OSBPL9: variants seen among roughly 807,000 people sequenced by gnomAD.
OSBPL9 encodes the protein oxysterol-binding protein-related protein 9.
A neutral mutation model predicts 106.6 loss-of-function variants in OSBPL9; 40 were observed. That is an observed-to-expected ratio of 0.38 (90% CI 0.29 to 0.49). The LOEUF is 0.49. Ranked by LOEUF, OSBPL9 falls within the 20% of genes least tolerant of loss-of-function variation. The probability of loss-of-function intolerance (pLI) is 0.97; values close to 1 mark genes in which losing one functional copy is unlikely to be tolerated. For synonymous variants in OSBPL9, 269 were observed against 295.4 expected, an observed-to-expected ratio of 0.91 and a Z score of 0.92; for missense variants, 609 against 887.2, an observed-to-expected ratio of 0.69 and a Z score of 3.98.
intron 12 of OSBPL9, among the ~76,000 whole-genome samples, chr1:51,771,762 A>G (rs1673951485): frequency 6.6e-6 from 1 of 152,228 alleles, no homozygotes; most frequent in African/African-American, 2.4e-5. Context: ...CGTTTCTGGA[A>G]TTGTTGCCAA....
chr1:51,569,914 T>A, the OSBPL9 span, among the ~76,000 whole-genome samples: 2 of 152,184 alleles, frequency 1.3e-5, no homozygotes, highest in Middle Eastern at 6.8e-3. Context: ...GCAAAATGAG[T>A]ATTATCTCCA....
intron 1 of OSBPL9, among the ~76,000 whole-genome samples, chr1:51,625,147 G>A (rs1042110246): frequency 6.6e-6 from 1 of 152,200 alleles, no homozygotes; most frequent in Non-Finnish European, 1.5e-5. Flanking sequence ...GGAACTGTGT[G>A]CCATCTTTGC....
intron 2 of OSBPL9, among the ~76,000 whole-genome samples, chr1:51,599,597 A>C (rs1481537978): frequency 6.6e-6 from 1 of 152,196 alleles, no homozygotes; most frequent in Non-Finnish European, 1.5e-5. Flanking sequence ...CTTTATTTGT[A>C]AGCAACAATA....
intron 4 of OSBPL9, among the ~76,000 whole-genome samples, chr1:51,744,079 C>CG (rs1403118600): frequency 4.6e-5 from 7 of 151,574 alleles, no homozygotes; most frequent in Non-Finnish European, 1.0e-4. Flanking sequence ...AGACATTTAT[C>CG]GCCTTTGAAT....
upstream of OSBPL9, among the ~76,000 whole-genome samples, chr1:51,575,349 C>T (rs1220397303): frequency 4.0e-5 from 6 of 151,374 alleles, no homozygotes; most frequent in African/African-American, 1.5e-4. Flanking sequence ...TACAGGTGCC[C>T]GCCACCTCAC....
chr1:51,724,169 C>T (rs1662670498), intron 4 of OSBPL9, among the ~76,000 whole-genome samples: 1 of 152,164 alleles, frequency 6.6e-6, no homozygotes, highest in Non-Finnish European at 1.5e-5. Flanking sequence ...TGGTCTCAAA[C>T]TCCTGACCTT....
rs548560778 is a variant in OSBPL9 at position 51,608,681 on chromosome 1, G to A, written c.-352-5624G>A. On this transcript the variant is annotated intron_variant, in intron 2 of 25. Transcript: ENST00000371714. ...GGTCACCTGACATTCCTGGATTGGG[G>A]GGGGGGGCTTTCCTGCCCTGCTCTT... Among the ~76,000 whole-genome samples the A allele has an allele frequency of 5.3e-5, 8 of 151,808 alleles. No individual in the cohort carries two copies. In the South Asian group the frequency reaches 6.3e-4, roughly 12 times the overall value.
At chr1:51,519,922 T>C in the OSBPL9 span, among the ~76,000 whole-genome samples, 8 of 152,352 alleles carry the variant, frequency 5.3e-5, no homozygotes, top group African/African-American at 1.9e-4. Context: ...TGTATTTGCC[T>C]GGTGCCTGTC....
the OSBPL9 span, among the ~76,000 whole-genome samples, chr1:51,566,975 T>C: frequency 6.6e-6 from 1 of 152,212 alleles, no homozygotes; most frequent in Non-Finnish European, 1.5e-5. Context: ...CATTCTCCAA[T>C]GACTCCTGTG....
Position 51,788,808 on chromosome 1 carries a change from A to G in OSBPL9, c.*1019A>G, listed in dbSNP as rs1207846213. Among the ~76,000 whole-genome samples the G allele has an allele frequency of 3.3e-5, 5 of 152,176 alleles. No homozygotes were observed. In the East Asian group the frequency reaches 9.6e-4, roughly 29 times the overall value. ...AATAAAATGAATGCCACAGCAGCAG[A>G]TGGCTCATTCTGAAGGGAAATACAG... On this transcript the variant is annotated 3_prime_UTR_variant, in exon 24 of 24. Transcript: ENST00000428468.
intron 1 of OSBPL9, among the ~76,000 whole-genome samples, chr1:51,587,929 A>G (rs1387249025): frequency 6.6e-6 from 1 of 152,238 alleles, no homozygotes; most frequent in Non-Finnish European, 1.5e-5. Context: ...AATGCTTTCC[A>G]GATGTTCCCC....
At chr1:51,764,087 A>C (rs1557830716) in intron 11 of OSBPL9, among the ~76,000 whole-genome samples, 1 of 152,098 alleles carries the variant, frequency 6.6e-6, no homozygotes, top group African/African-American at 2.4e-5. Context: ...ATCTTATTTG[A>C]TTTTTCATCC....
Position 51,765,845 on chromosome 1 carries a change from A to G in OSBPL9, c.802A>G (p.Ser268Gly). 1 of 1,613,862 alleles carries G rather than the reference A, an allele frequency of 6.2e-7. No individual in the cohort carries two copies. The highest frequency in any genetic ancestry group is 8.5e-7 in the Non-Finnish European group (1 of 1,179,880). ...AGGCAGTGGCCATTCACCACCGAGT[A>G]GCAGTCTCACTTCTCCAAGCCACGT... ...STGSGHSPPSSSLTSPSHVNL... is the reference protein window; with the variant it reads ...STGSGHSPPSGSLTSPSHVNL... The change falls in exon 12 of 24, where the codon AGC (serine) becomes GGC (glycine). Residue 268 changes from serine (S) to glycine (G), a missense_variant. This residue lies in a region of OSBPL9 where 356 missense variants were observed against 505.8 expected (regional missense o/e 0.70). Transcript: ENST00000428468.
the OSBPL9 span, among the ~76,000 whole-genome samples, chr1:51,546,696 CA>C: frequency 6.3e-4 from 65 of 103,302 alleles, no homozygotes; most frequent in East Asian, 2.9e-3. Flanking sequence ...GACTCTGTCT[CA>C]AAAAAAAAAA....
At chr1:51,670,825 T>C (rs181060496) in intron 3 of OSBPL9, among the ~76,000 whole-genome samples, 2 of 152,362 alleles carry the variant, frequency 1.3e-5, no homozygotes, top group African/African-American at 4.8e-5. Flanking sequence ...AATCAGCAGG[T>C]AATTCCTACA....
intron 3 of OSBPL9, among the ~76,000 whole-genome samples, chr1:51,696,316 TTCTAC>T (rs1656000130): frequency 6.6e-6 from 1 of 152,140 alleles, no homozygotes; most frequent in African/African-American, 2.4e-5. Context: ...TGTTTGCTTG[TTCTAC>T]TTGCCAGAAT....
intron 3 of OSBPL9, among the ~76,000 whole-genome samples, chr1:51,696,870 T>C (rs1366989230): frequency 6.6e-6 from 1 of 152,138 alleles, no homozygotes; most frequent in African/African-American, 2.4e-5. Flanking sequence ...TGGGTGAAGA[T>C]AGTTGGGATA....
intron 1 of OSBPL9, among the ~76,000 whole-genome samples, chr1:51,619,447 A>T (rs1006975360): frequency 2.0e-5 from 3 of 152,176 alleles, no homozygotes; most frequent in Admixed American, 1.3e-4. Context: ...TATAGGGTTT[A>T]AAAAAATACT....
the OSBPL9 span, among the ~76,000 whole-genome samples, chr1:51,525,711 A>T: frequency 6.6e-6 from 1 of 152,294 alleles, no homozygotes; most frequent in East Asian, 1.9e-4. Context: ...TTCTTAACCA[A>T]CATCCCTACT....
Sources: gnomAD v4.1 joint callset for allele counts (sites outside exome capture counted in the v4.1 genomes callset) on GRCh38, gnomAD v4.1.1 for gene constraint, gnomAD v4.1.1 regional missense constraint, MANE v1.5 for transcripts, NCBI Gene and HGNC (gene_info 2026-07-23, HGNC 2026-07-21) for gene names.